SIRT2: variants seen among roughly 807,000 people sequenced by gnomAD.
SIRT2 encodes sirtuin 2, also known as NAD-dependent protein deacetylase sirtuin-2.
A neutral mutation model predicts 57.4 loss-of-function variants in SIRT2; 40 were observed. The observed-to-expected ratio is 0.70, with a 90% CI of 0.54 to 0.91. The LOEUF is 0.91. Among genes scored for constraint, SIRT2 ranks in the 40% least tolerant of loss-of-function variants. SIRT2 has a pLI of 0.00. For synonymous variants in SIRT2, 161 were observed against 195.7 expected (o/e 0.82, Z 1.48); for missense variants, 439 against 510.4 (o/e 0.86, Z 1.35).
rs988730273 is a variant in SIRT2, at chr19:38,880,542, C to T, written c.876+143G>A. The T allele has an allele frequency of 2.4e-5, 15 of 627,754 alleles. No homozygotes were observed. The highest frequency in any genetic ancestry group is 1.5e-4 in the Admixed American group (6 of 39,772). The allele number at this position is 627,754 out of a possible 1,614,324, so 38.9% of individuals were successfully genotyped here. ...GTGAATGTCCCAGAGGCCTGGAACC[C>T]GACCCCTCTGGATTCTAGAGCCCCA... On this transcript the variant is annotated intron_variant, in intron 13 of 15. Transcript: ENST00000249396. The surrounding 1 kb of genome is among the most constrained non-coding windows in gnomAD (Gnocchi z 4.1).
At chr19:38,894,332 A>G in intron 2 of SIRT2, 1 of 187,654 alleles carries the variant, frequency 5.3e-6, no homozygotes, top group Non-Finnish European at 1.1e-5. Flanking sequence ...GTGGTCTTGA[A>G]CTCCTGGGCT....
intron 2 of SIRT2, among the ~76,000 whole-genome samples, chr19:38,895,116 G>T (rs1370268880): frequency 6.7e-6 from 1 of 148,844 alleles, no homozygotes; most frequent in East Asian, 2.0e-4. Context: ...GAGCATGTAC[G>T]CTGAGCCTCC....
chr19:38,886,889 C>A (rs865963410), intron 8 of SIRT2, among the ~76,000 whole-genome samples: 4 of 151,940 alleles, frequency 2.6e-5, no homozygotes, highest in Non-Finnish European at 4.4e-5. Context: ...GGATTACAGA[C>A]GTGAGCCACC....
chr19:38,880,620 C>G lies in SIRT2; in HGVS notation c.876+65G>C. On this transcript the variant is annotated intron_variant, in intron 13 of 15. Transcript: ENST00000249396. The surrounding 1 kb of genome is among the most constrained non-coding windows in gnomAD (Gnocchi z 4.1). ...TGGGGTTCCACAGTGGGGGTTCCCT[C>G]TGAGGAAAAGGGTGAGAGGGAAGGG... 8.4e-7 allele frequency: 1 copy of G among 1,188,684 alleles called. No individual in the cohort carries two copies. The highest frequency in any genetic ancestry group is 1.2e-6 in the Non-Finnish European group (1 of 836,420). 73.6% of individuals were successfully genotyped at this position (1,188,684 alleles called of 1,614,324 possible). A position where few individuals can be genotyped will look rare whatever the true frequency, so the allele number is the denominator to read the frequency against.
At chr19:38,895,023 C>T (rs1973673009) in intron 2 of SIRT2, 6 of 434,058 alleles carry the variant, frequency 1.4e-5, no homozygotes, top group East Asian at 7.1e-5. Context: ...CATCTCAATG[C>T]GATCGTACTG....
At position 38,888,407 on chromosome 19, in the gene SIRT2, G is replaced by A. The variant is rs539487896; in HGVS notation, c.501+680C>T. Among the ~76,000 whole-genome samples, 9 of 151,764 alleles carry A rather than the reference G, an allele frequency of 5.9e-5. No individual in the cohort carries two copies. In the East Asian group the frequency reaches 1.4e-3, roughly 23 times the overall value. On this transcript the variant is annotated intron_variant, in intron 8 of 15. Transcript: ENST00000249396. ...AGGCGGGTCCCAAACGCCTGGGCTC[G>A]AGCTATCTCTCGCTTTGGCCTCCCA... is the stretch of plus-strand genomic sequence containing the variant.
At position 38,881,487 on chromosome 19, in the gene SIRT2, C is replaced by T. The variant is rs570453680; in HGVS notation, c.636G>A (p.Lys212=). The T allele has an allele frequency of 6.2e-7, 1 of 1,613,790 alleles. No homozygotes were observed. Among genetic ancestry groups the T allele is most frequent in the East Asian group, 2.2e-5 (1 of 44,852 alleles). ...ACTTGGGCGTCACCTCAGAGAAGAT[C>T]TTCTCTGGGTATGGGGAAGGGGAAG... is the stretch of plus-strand genomic sequence containing the variant. ...HEYPLSWMKE[K]IFSEVTPKCE... is the part of the protein sequence containing the mutation. Residue 212 remains lysine (K), a synonymous_variant, in exon 10 of 16, where the codon AAG becomes AAA. Transcript: ENST00000249396.
At chr19:38,881,373 G>A in intron 10 of SIRT2, 59 bp downstream of exon 10, 1 of 1,491,882 alleles carries the variant, frequency 6.7e-7, no homozygotes. Context: ...GAGGGGGTCA[G>A]GGGGAGGAGG....
At position 38,897,129 on chromosome 19, in the gene SIRT2, C is replaced by T. The variant is rs556225718; in HGVS notation, c.63+1250G>A. Among the ~76,000 whole-genome samples, 11 of 152,242 alleles carry T rather than the reference C, an allele frequency of 7.2e-5. No homozygotes were observed. The East Asian group carries it at 1.5e-3, about 21-fold the overall frequency. ...TCAGATTCTGCATCTGTAAAATGGC[C>T]GTGATAGGCGTTTCTCTTCACAGGG... is the stretch of plus-strand genomic sequence containing the variant. On this transcript the variant is annotated intron_variant, in intron 2 of 15. Transcript: ENST00000249396.
In SIRT2 at chr19:38,880,221, G is replaced by C; in HGVS notation, c.876+464C>G. On this transcript the variant is annotated intron_variant, in intron 13 of 15. Coordinates refer to ENST00000249396, the MANE Select transcript of SIRT2 (RefSeq NM_012237.4). This position sits in a 1 kb window ranked among gnomAD's most constrained non-coding sequence, Gnocchi z 4.1. ...AAACCGCGATGGGGTTGTGGCGCCA[G>C]TGAGTTCACGCAGGCTAAGACTTGG... 5.4e-6 allele frequency: 1 copy of C among 184,246 alleles called. No individual in the cohort carries two copies. Among genetic ancestry groups the C allele is most frequent in the Admixed American group, 5.5e-5 (1 of 18,330 alleles). 11.4% of individuals were successfully genotyped at this position (184,246 alleles called of 1,614,324 possible).
intron 4 of SIRT2, among the ~76,000 whole-genome samples, chr19:38,893,199 G>A (rs967669390): frequency 6.6e-6 from 1 of 152,190 alleles, no homozygotes; most frequent in African/African-American, 2.4e-5. Context: ...ATCAGAGAGA[G>A]TTATGATTTT....
chr19:38,879,182 C>T lies in SIRT2; in HGVS notation c.1143G>A (p.Arg381=). 1 of 1,584,898 alleles carries T rather than the reference C, an allele frequency of 6.3e-7. No individual in the cohort carries two copies. Among genetic ancestry groups the T allele is most frequent in the Non-Finnish European group, 8.5e-7 (1 of 1,172,082 alleles). Residue 381 remains arginine (R), a synonymous_variant, in exon 16 of 16, where the codon AGG becomes AGA. Transcript: ENST00000249396. ...KSPPPAKDEA[R]TTEREKPQ The stretch of plus-strand genomic sequence containing the variant: ...ACTGGGGTTTCTCCCTCTCTGTTGT[C>T]CTGGCCTCGTCCTTGGCAGGTGGCG...
chr19:38,889,811 C>T (rs768882921), intron 6 of SIRT2, 44 bp downstream of exon 6: 2 of 1,612,388 alleles, frequency 1.2e-6, no homozygotes, highest in South Asian at 1.1e-5. Flanking sequence ...CAGGTGACCC[C>T]ATCCCCACCC....
intron 2 of SIRT2, among the ~76,000 whole-genome samples, chr19:38,895,164 G>A (rs1043007890): frequency 8.6e-5 from 13 of 151,092 alleles, no homozygotes; most frequent in African/African-American, 2.9e-4. Flanking sequence ...CCTCCCCGGC[G>A]CTCCACCTGG....
intron 2 of SIRT2, among the ~76,000 whole-genome samples, chr19:38,896,104 ATGAG>A (rs1450663699): frequency 6.6e-6 from 1 of 151,634 alleles, no homozygotes; most frequent in Non-Finnish European, 1.5e-5. Context: ...GAGAGTGAGA[ATGAG>A]AGAGAGAGAG....
intron 5 of SIRT2, 30 bp downstream of exon 5, chr19:38,890,073 G>T (rs200980881): frequency 6.2e-7 from 1 of 1,614,050 alleles, no homozygotes; most frequent in Non-Finnish European, 8.5e-7. Flanking sequence ...AGTTCCTGGG[G>T]GTAGCTGCTG....
chr19:38,880,946 C>T lies in SIRT2; in HGVS notation c.748-49G>A, dbSNP rs200401706. ...GGAGCCTCCGCCCAGGCTGCGCCAC[C>T]GCTCCCTCCCCCGCCCCCAGCAGCA... On this transcript the variant is annotated intron_variant, in intron 11 of 15. Coordinates refer to ENST00000249396, the MANE Select transcript of SIRT2 (RefSeq NM_012237.4). The surrounding 1 kb of genome is among the most constrained non-coding windows in gnomAD (Gnocchi z 4.1). The T allele has an allele frequency of 1.5e-5, 24 of 1,582,920 alleles. No homozygotes were observed. The highest frequency in any genetic ancestry group is 7.8e-5 in the South Asian group (7 of 90,302).
At chr19:38,895,078 G>C (rs3136578) in intron 2 of SIRT2, among the ~76,000 whole-genome samples, 15 of 142,910 alleles carry the variant, frequency 1.0e-4, no homozygotes, top group East Asian at 4.1e-4. Context: ...CTCCCTCCTC[G>C]CCCTCCTGCC....
chr19:38,880,560 G>C lies in SIRT2; in HGVS notation c.876+125C>G. On this transcript the variant is annotated intron_variant, in intron 13 of 15. Transcript: ENST00000249396. This position sits in a 1 kb window ranked among gnomAD's most constrained non-coding sequence, Gnocchi z 4.1. ...TGGAACCCGACCCCTCTGGATTCTA[G>C]AGCCCCAGGTTCTGAGCTGAGGAAT... 1.5e-6 allele frequency: 1 copy of C among 664,002 alleles called. No homozygotes were observed. Among genetic ancestry groups the C allele is most frequent in the South Asian group, 2.1e-5 (1 of 47,018 alleles). The allele number at this position is 664,002 out of a possible 1,614,324, so 41.1% of individuals were successfully genotyped here.
Sources: allele counts gnomAD v4.1 joint callset (sites outside exome capture counted in the v4.1 genomes callset), GRCh38; gene constraint gnomAD v4.1.1; non-coding constraint Gnocchi (gnomAD v3.1); transcripts MANE v1.5; gene names NCBI Gene and HGNC (gene_info 2026-07-23, HGNC 2026-07-21).